VWDE: variants seen among roughly 807,000 people sequenced by gnomAD.
VWDE encodes the protein von Willebrand factor D and EGF domain-containing protein.
Under a neutral mutation model 178.4 loss-of-function variants are expected in VWDE, and 207 were observed. That is an observed-to-expected ratio of 1.16 (90% CI 1.04 to 1.30). The LOEUF (loss-of-function observed/expected upper bound fraction) is 1.30. Ranked by LOEUF, VWDE falls within the 50% of genes most tolerant of loss-of-function variation. The pLI is 0.00. For synonymous variants in VWDE, 738 were observed against 651.4 expected, an observed-to-expected ratio of 1.13 and a Z score of -2.02; for missense variants, 2,287 against 1,901.3, an observed-to-expected ratio of 1.20 and a Z score of -3.77.
At chr7:12,395,286 C>T (rs905393649) in intron 1 of VWDE, among the ~76,000 whole-genome samples, 29 of 152,134 alleles carry the variant, frequency 1.9e-4, no homozygotes, top group Admixed American at 1.3e-4. Flanking sequence ...AAAACAAGGA[C>T]ATTGCACCTG....
At chr7:12,380,844 G>T in intron 4 of VWDE, 111 bp from the exon 5 acceptor site, 2 of 1,242,120 alleles carry the variant, frequency 1.6e-6, no homozygotes. Context: ...GAAAAAGCAA[G>T]CTAAATTTAG....
In VWDE at chr7:12,393,614, T is replaced by C. The variant is rs547573256; in HGVS notation, c.223A>G (p.Met75Val). ...RFLILDRPAEMPTKCVEMNHC... is the reference protein window; with the variant it reads ...RFLILDRPAEVPTKCVEMNHC... ...CATACCTCAACACATTTGGTTGGCA[T>C]CTCGGCAGGTCTGTCAAGGATGAGA... is the stretch of plus-strand genomic sequence containing the variant. The change falls in exon 2 of 29, where the codon ATG (methionine) becomes GTG (valine). Residue 75 changes from methionine (M) to valine (V), a missense_variant. Met to Val is a conservative substitution (Grantham distance 21). Transcript: ENST00000275358. The C allele has an allele frequency of 2.5e-5, 38 of 1,549,184 alleles. No individual in the cohort carries two copies. The South Asian group carries it at 4.3e-4, about 18-fold the overall frequency.
chr7:12,349,553 A>T (rs1192650931), intron 19 of VWDE, among the ~76,000 whole-genome samples: 1 of 151,760 alleles, frequency 6.6e-6, no homozygotes, highest in Non-Finnish European at 1.5e-5. Flanking sequence ...ATAAAAAGAC[A>T]ACACAGATAA....
At chr7:12,345,479 C>A (rs190534257) in intron 19 of VWDE, among the ~76,000 whole-genome samples, 27 of 152,202 alleles carry the variant, frequency 1.8e-4, no homozygotes, top group Non-Finnish European at 3.5e-4. Context: ...CAGGAAACAC[C>A]AAGAAAACAA....
chr7:12,355,815 A>G (rs1204725202), intron 18 of VWDE, among the ~76,000 whole-genome samples: 1 of 152,086 alleles, frequency 6.6e-6, no homozygotes, highest in African/African-American at 2.4e-5. Context: ...CTTAATAGTA[A>G]TACATTTTAA....
intron 3 of VWDE, among the ~76,000 whole-genome samples, chr7:12,383,836 C>T (rs999948710): frequency 2.0e-5 from 3 of 152,064 alleles, no homozygotes; most frequent in Admixed American, 1.3e-4. Flanking sequence ...TACAAATCTG[C>T]ATTTTTAAAT....
At chr7:12,396,475 C>A (rs779243035) in intron 1 of VWDE, among the ~76,000 whole-genome samples, 13 of 152,074 alleles carry the variant, frequency 8.5e-5, no homozygotes, top group Non-Finnish European at 1.8e-4. Flanking sequence ...TCTTTAAAAT[C>A]TTATAACTTC....
At chr7:12,340,938 ATTT>A (rs1179260628) in intron 23 of VWDE, among the ~76,000 whole-genome samples, 8 of 152,196 alleles carry the variant, frequency 5.3e-5, no homozygotes, top group African/African-American at 1.9e-4. Flanking sequence ...TTGCTTCTTT[ATTT>A]TTGTTTTGCT....
chr7:12,397,561 A>G (rs1427859247), intron 1 of VWDE, among the ~76,000 whole-genome samples: 5 of 152,156 alleles, frequency 3.3e-5, no homozygotes, highest in African/African-American at 1.2e-4. Flanking sequence ...AAACCTAAAA[A>G]TTAACAAGTT....
chr7:12,351,572 C>T lies in VWDE; in HGVS notation c.3886+1G>A, dbSNP rs1005893655. Reference sequence around the variant, plus strand: ...AGATTTTAACTATGACCATTACTTACTGAAGGCATTTCCACTTGTTGGCTT... The same window carrying T: ...AGATTTTAACTATGACCATTACTTATTGAAGGCATTTCCACTTGTTGGCTT... On this transcript the variant is annotated splice_donor_variant, in intron 19 of 28. Transcript: ENST00000275358. LOFTEE classifies it high-confidence loss of function. The T allele has an allele frequency of 1.1e-5, 17 of 1,545,672 alleles. No homozygotes were observed. In the African/African-American group the frequency reaches 2.2e-4, roughly 20 times the overall value.
intron 6 of VWDE, 106 bp from the exon 7 acceptor site, chr7:12,378,026 A>T: frequency 1.2e-6 from 1 of 827,164 alleles, no homozygotes; most frequent in Non-Finnish European, 1.7e-6. Context: ...ACTAAATAAT[A>T]ACTTAAGCCC....
chr7:12,350,915 T>G (rs1258808011), intron 19 of VWDE, among the ~76,000 whole-genome samples: 1 of 151,990 alleles, frequency 6.6e-6, no homozygotes, highest in South Asian at 2.1e-4. Flanking sequence ...ACCCCCTATT[T>G]GCAAAAAACA....
intron 4 of VWDE, among the ~76,000 whole-genome samples, chr7:12,381,519 A>T (rs1783850307): frequency 6.6e-6 from 1 of 152,082 alleles, no homozygotes; most frequent in South Asian, 2.1e-4. Context: ...CAGCCTTGCC[A>T]TGTAGATTTT....
At chr7:12,362,065 T>A (rs765992799) in intron 13 of VWDE, among the ~76,000 whole-genome samples, 2 of 152,052 alleles carry the variant, frequency 1.3e-5, no homozygotes, top group South Asian at 4.1e-4. Flanking sequence ...TTTGTACCAA[T>A]GGAGATGTCA....
At chr7:12,402,868 T>C (rs1784972959) in intron 1 of VWDE, among the ~76,000 whole-genome samples, 1 of 152,152 alleles carries the variant, frequency 6.6e-6, no homozygotes, top group South Asian at 2.1e-4. Context: ...ATAAATGTTG[T>C]ACATAATGTT....
At chr7:12,378,168 T>C (rs909693205) in intron 6 of VWDE, among the ~76,000 whole-genome samples, 1 of 152,112 alleles carries the variant, frequency 6.6e-6, no homozygotes, top group Non-Finnish European at 1.5e-5. Context: ...ATTTGGCAAA[T>C]CATATCCAAG....
chr7:12,349,538 T>G (rs189293589), intron 19 of VWDE, among the ~76,000 whole-genome samples: 14 of 151,284 alleles, frequency 9.3e-5, no homozygotes, highest in African/African-American at 3.1e-4. Flanking sequence ...TCTTAATGCT[T>G]TCATATAAAA....
chr7:12,340,489 CA>C (rs1781270088), intron 23 of VWDE, 72 bp from the exon 24 acceptor site: 5 of 1,015,906 alleles, frequency 4.9e-6, no homozygotes, highest in Non-Finnish European at 5.9e-6. Flanking sequence ...CACAGAAGTG[CA>C]AAATGGTGCA....
intron 1 of VWDE, among the ~76,000 whole-genome samples, chr7:12,395,435 G>A (rs767457995): frequency 6.6e-6 from 1 of 151,902 alleles, no homozygotes; most frequent in Non-Finnish European, 1.5e-5. Context: ...TCTTTATTTT[G>A]TGTAGTATTC....
Sources: allele counts gnomAD v4.1 joint callset (sites outside exome capture counted in the v4.1 genomes callset), GRCh38; gene constraint gnomAD v4.1.1; transcripts MANE v1.5; gene names NCBI Gene and HGNC (gene_info 2026-07-23, HGNC 2026-07-21).